The following TANC2 variants were observed in gnomAD, a reference collection of about 807,000 sequenced individuals.
TANC2 encodes protein TANC2.
Under a neutral mutation model 210.5 loss-of-function variants are expected in TANC2, and 26 were observed. The observed-to-expected ratio is 0.12, with a 90% CI of 0.09 to 0.17. The LOEUF (loss-of-function observed/expected upper bound fraction) is 0.17, where lower values mean the gene tolerates loss of function less well. Ranked by LOEUF, TANC2 falls within the 10% of genes least tolerant of loss-of-function variation. The pLI is 1.00. For missense variants in TANC2, 2,129 were observed against 2,608.9 expected (o/e 0.82, Z 4.01); for synonymous variants, 931 against 967.1 (o/e 0.96, Z 0.69).
intron 6 of TANC2, 139 bp from the exon 7 acceptor site, chr17:63,200,632 A>C (rs2041501075): frequency 2.8e-6 from 2 of 706,728 alleles, no homozygotes; most frequent in Admixed American, 5.5e-5. Context: ...TTATCCGAGA[A>C]AGCAAAAACA....
chr17:63,414,641 A>G (rs2048805023), intron 25 of TANC2, among the ~76,000 whole-genome samples: 1 of 152,234 alleles, frequency 6.6e-6, no homozygotes, highest in African/African-American at 2.4e-5. Context: ...TGTTCCCCTC[A>G]GAATTCTACC....
chr17:63,344,640 T>G (rs1321428809), intron 12 of TANC2, among the ~76,000 whole-genome samples: 3 of 152,214 alleles, frequency 2.0e-5, no homozygotes, highest in Non-Finnish European at 1.5e-5. Flanking sequence ...CTAGAACTAG[T>G]AAGCACAAAG....
At chr17:63,033,182 T>G (rs773072981) in intron 2 of TANC2, among the ~76,000 whole-genome samples, 39 of 152,252 alleles carry the variant, frequency 2.6e-4, no homozygotes, top group Admixed American at 7.9e-4. Flanking sequence ...CCCCATTGTT[T>G]AGAGTTTTTA....
chr17:63,350,344 A>G (rs2046560758), intron 12 of TANC2, among the ~76,000 whole-genome samples: 1 of 152,168 alleles, frequency 6.6e-6, no homozygotes, highest in Non-Finnish European at 1.5e-5. Context: ...GATCCTGCTA[A>G]CAAATAACTT....
intron 5 of TANC2, among the ~76,000 whole-genome samples, chr17:63,166,492 T>G (rs1385284870): frequency 6.6e-6 from 1 of 152,198 alleles, no homozygotes; most frequent in African/African-American, 2.4e-5. Flanking sequence ...AAGCATAGAT[T>G]TCTATAAAAC....
intron 4 of TANC2, among the ~76,000 whole-genome samples, chr17:63,120,270 C>G (rs188065785): frequency 2.6e-5 from 4 of 151,746 alleles, no homozygotes; most frequent in African/African-American, 9.7e-5. Context: ...CACTATAGAC[C>G]TCCCTATTTT....
At chr17:63,171,767 A>G (rs192344986) in intron 5 of TANC2, among the ~76,000 whole-genome samples, 35 of 152,364 alleles carry the variant, frequency 2.3e-4, no homozygotes, top group African/African-American at 7.9e-4. Flanking sequence ...GATGCCTACT[A>G]TATCTACATA....
chr17:63,399,039 C>A, intron 19 of TANC2, 125 bp downstream of exon 19: 1 of 586,198 alleles, frequency 1.7e-6, no homozygotes, highest in Non-Finnish European at 2.9e-6. Flanking sequence ...GTAATGCAGA[C>A]TGATTCAGCC....
chr17:63,136,414 A>G (rs1011312569), intron 4 of TANC2, among the ~76,000 whole-genome samples: 1 of 152,196 alleles, frequency 6.6e-6, no homozygotes, highest in Non-Finnish European at 1.5e-5. Flanking sequence ...TGGAATCCCC[A>G]GTTTTCTTAG....
intron 21 of TANC2, among the ~76,000 whole-genome samples, chr17:63,406,985 C>T (rs1307514028): frequency 6.6e-6 from 1 of 152,196 alleles, no homozygotes; most frequent in African/African-American, 2.4e-5. Flanking sequence ...TCCAGTTAGC[C>T]TCCACTATTA....
intron 9 of TANC2, among the ~76,000 whole-genome samples, chr17:63,301,626 C>A (rs531108997): frequency 6.6e-6 from 1 of 152,040 alleles, no homozygotes; most frequent in African/African-American, 2.4e-5. Context: ...GTGGTGATAT[C>A]CCTTTTATCA....
intron 11 of TANC2, among the ~76,000 whole-genome samples, chr17:63,322,649 C>T (rs1466582276): frequency 6.6e-6 from 1 of 152,166 alleles, no homozygotes; most frequent in Admixed American, 6.5e-5. Context: ...GTGAACAAAA[C>T]AGACACAATT....
intron 18 of TANC2, among the ~76,000 whole-genome samples, chr17:63,397,454 A>G (rs1480449357): frequency 1.3e-5 from 2 of 152,216 alleles, no homozygotes; most frequent in African/African-American, 2.4e-5. Context: ...CTCTTTTCTC[A>G]ATAACTGTAT....
intron 7 of TANC2, among the ~76,000 whole-genome samples, chr17:63,233,091 C>T (rs1044121495): frequency 2.0e-5 from 3 of 152,180 alleles, no homozygotes; most frequent in Admixed American, 1.3e-4. Flanking sequence ...CTAAACCGCC[C>T]AGTCTCCCTG....
intron 8 of TANC2, among the ~76,000 whole-genome samples, chr17:63,265,063 T>A (rs1366140211): frequency 6.6e-6 from 1 of 152,226 alleles, no homozygotes; most frequent in Non-Finnish European, 1.5e-5. Flanking sequence ...GTTAGAATAG[T>A]CGCAACAGTT....
chr17:63,049,653 T>C (rs963894833), intron 2 of TANC2, among the ~76,000 whole-genome samples: 11 of 152,182 alleles, frequency 7.2e-5, no homozygotes, highest in African/African-American at 2.7e-4. Context: ...CTTTGACTTT[T>C]ACTTACAATG....
intron 2 of TANC2, among the ~76,000 whole-genome samples, chr17:63,020,830 G>C (rs1056115817): frequency 6.6e-6 from 1 of 152,324 alleles, no homozygotes; most frequent in Middle Eastern, 3.4e-3. Flanking sequence ...ACTGGCATCT[G>C]CTTGGCTTCT....
intron 2 of TANC2, among the ~76,000 whole-genome samples, chr17:63,011,446 T>C (rs1266217623): frequency 6.6e-6 from 1 of 152,096 alleles, no homozygotes; most frequent in East Asian, 1.9e-4. Context: ...GTGGATCAGT[T>C]TTGTTAATGA....
At chr17:63,281,367 C>T (rs193036299) in intron 9 of TANC2, among the ~76,000 whole-genome samples, 80 of 152,118 alleles carry the variant, frequency 5.3e-4, no homozygotes, top group Non-Finnish European at 9.6e-4. Flanking sequence ...GCTGCAGAGG[C>T]GGTAGGTCCC....
Sources: allele counts gnomAD v4.1 joint callset (sites outside exome capture counted in the v4.1 genomes callset), GRCh38; gene constraint gnomAD v4.1.1; transcripts MANE v1.5; gene names NCBI Gene and HGNC (gene_info 2026-07-23, HGNC 2026-07-21).